Variants in UMAD1 observed in about 807,000 individuals in gnomAD.
The protein encoded by UMAD1 is UBAP1-MVB12-associated (UMA) domain containing 1, also known as UBAP1-MVB12-associated (UMA)-domain containing protein 1.
A neutral mutation model predicts 6.1 loss-of-function variants in UMAD1; 8 were observed. That is an observed-to-expected ratio of 1.30 (90% CI 0.76 to 2.35). UMAD1 has a LOEUF of 2.35. Among genes scored for constraint, UMAD1 ranks in the 30% most tolerant of loss-of-function variants. UMAD1 has a pLI of 0.00. For synonymous variants in UMAD1, 56 were observed against 31.4 expected (o/e 1.78, Z -2.61); for missense variants, 130 against 78.4 (o/e 1.66, Z -2.49).
chr7:7,813,237 A>T (rs1334399510), intron 3 of UMAD1, among the ~76,000 whole-genome samples: 5 of 151,116 alleles, frequency 3.3e-5, no homozygotes, highest in African/African-American at 1.2e-4. Flanking sequence ...TTGTTTTTAG[A>T]TGGAGTCTCG....
chr7:7,766,385 C>G (rs1221226622), intron 2 of UMAD1, among the ~76,000 whole-genome samples: 1 of 152,190 alleles, frequency 6.6e-6, no homozygotes, highest in Non-Finnish European at 1.5e-5. Flanking sequence ...GATATTGCCT[C>G]AGGTTTCAAA....
chr7:7,775,086 G>C (rs973422862), intron 2 of UMAD1, among the ~76,000 whole-genome samples: 1 of 152,058 alleles, frequency 6.6e-6, no homozygotes, highest in Admixed American at 6.6e-5. Flanking sequence ...CATTTTCACT[G>C]CCAAAATTTT....
At chr7:7,711,080 AACACTGGGGATT>A (rs1780751104) in intron 2 of UMAD1, among the ~76,000 whole-genome samples, 1 of 152,204 alleles carries the variant, frequency 6.6e-6, no homozygotes, top group Non-Finnish European at 1.5e-5. Context: ...ATAGAAGGAT[AACACTGGGGATT>A]CTGGTGGTTA....
At chr7:7,812,137 G>A (rs1292971060) in intron 3 of UMAD1, among the ~76,000 whole-genome samples, 1 of 152,164 alleles carries the variant, frequency 6.6e-6, no homozygotes, top group African/African-American at 2.4e-5. Context: ...CTTCTGGCTT[G>A]CATTGGGGTT....
intron 3 of UMAD1, among the ~76,000 whole-genome samples, chr7:7,862,272 A>C (rs1481737940): frequency 6.6e-6 from 1 of 152,054 alleles, no homozygotes; most frequent in Admixed American, 6.5e-5. Flanking sequence ...AAAGTGTTCC[A>C]TTTTCTTTCT....
rs752863307 is a variant in UMAD1, at chr7:7,819,038, C to T, written c.156+17295C>T. Among the ~76,000 whole-genome samples the T allele has an allele frequency of 5.6e-4, 85 of 151,988 alleles. 2 individuals carry two copies. The highest frequency in any genetic ancestry group is 1.9e-3 in the South Asian group (9 of 4,818). On this transcript the variant is annotated intron_variant, in intron 3 of 3. Coordinates refer to ENST00000682710, the MANE Select transcript of UMAD1 (RefSeq NM_001302348.2). ...CTAATTTTTGTATTTTTAGTAGAGA[C>T]GGGTTTTCACCATGTTGGCTAGGCT...
chr7:7,711,523 G>A (rs1780763834), intron 2 of UMAD1, among the ~76,000 whole-genome samples: 1 of 152,084 alleles, frequency 6.6e-6, no homozygotes. Flanking sequence ...ATGTAATACT[G>A]TGAGACTTAA....
At chr7:7,840,211 A>G (rs1236067902) in intron 3 of UMAD1, among the ~76,000 whole-genome samples, 1 of 152,098 alleles carries the variant, frequency 6.6e-6, no homozygotes, top group Non-Finnish European at 1.5e-5. Context: ...TGTTAGTGTC[A>G]GGGTCTAAGA....
At chr7:7,799,554 T>A (rs1782757352) in intron 2 of UMAD1, among the ~76,000 whole-genome samples, 1 of 152,256 alleles carries the variant, frequency 6.6e-6, no homozygotes, top group Non-Finnish European at 1.5e-5. Flanking sequence ...TAGTAATCTT[T>A]TTAAAAGATA....
At chr7:7,797,443 G>A (rs191170619) in intron 2 of UMAD1, among the ~76,000 whole-genome samples, 30 of 152,154 alleles carry the variant, frequency 2.0e-4, no homozygotes, top group Non-Finnish European at 4.3e-4. Context: ...TGGGAACCAA[G>A]TGTCTGCCCC....
intron 3 of UMAD1, among the ~76,000 whole-genome samples, chr7:7,821,629 C>T (rs1426966848): frequency 1.3e-5 from 2 of 152,152 alleles, no homozygotes; most frequent in Non-Finnish European, 2.9e-5. Context: ...ATTCTTTGGT[C>T]TCTTCAAGGG....
intron 2 of UMAD1, among the ~76,000 whole-genome samples, chr7:7,753,954 C>T (rs150499857): frequency 0.018 from 2,792 of 152,164 alleles, 38 homozygotes; most frequent in Non-Finnish European, 0.028. Context: ...GAGGCCGAGA[C>T]GGGTGGATCA....
chr7:7,742,686 T>G (rs1266939377), intron 2 of UMAD1: 6 of 239,944 alleles, frequency 2.5e-5, no homozygotes, highest in Non-Finnish European at 4.2e-5. Flanking sequence ...ATAAAATAAA[T>G]ATGAATAATC....
intron 2 of UMAD1, among the ~76,000 whole-genome samples, chr7:7,732,234 C>T (rs1781273738): frequency 6.6e-6 from 1 of 151,972 alleles, no homozygotes; most frequent in African/African-American, 2.4e-5. Context: ...AGTAGATCCT[C>T]CCATGAAGTT....
intron 3 of UMAD1, among the ~76,000 whole-genome samples, chr7:7,824,800 T>G (rs1783308864): frequency 6.6e-6 from 1 of 152,160 alleles, no homozygotes; most frequent in Non-Finnish European, 1.5e-5. Flanking sequence ...TAGGTAAATT[T>G]CATCCTGTTA....
At chr7:7,747,499 T>C (rs767521424) in intron 2 of UMAD1, among the ~76,000 whole-genome samples, 2 of 152,166 alleles carry the variant, frequency 1.3e-5, no homozygotes, top group African/African-American at 2.4e-5. Context: ...AGAGGATGGC[T>C]CTCTTTCCAT....
At chr7:7,718,005 A>T (rs1305400437) in intron 2 of UMAD1, among the ~76,000 whole-genome samples, 3 of 152,224 alleles carry the variant, frequency 2.0e-5, no homozygotes, top group Non-Finnish European at 2.9e-5. Flanking sequence ...AGTTTAGGGA[A>T]ATCTAGTTTT....
In UMAD1 at chr7:7,669,931, A is replaced by T. The variant is rs748024308; in HGVS notation, c.-63-3378A>T. Among the ~76,000 whole-genome samples, 86 of 152,030 alleles carry T rather than the reference A, an allele frequency of 5.7e-4. 2 individuals are homozygous for T. The highest frequency in any genetic ancestry group is 2.0e-4 in the Admixed American group (3 of 15,264). Reference sequence around the variant, plus strand: ...TGGAGCCTAAATTATCCCTCCTTCTATAATATATTTGGGATATTATAATGT... The same window carrying T: ...TGGAGCCTAAATTATCCCTCCTTCTTTAATATATTTGGGATATTATAATGT... On this transcript the variant is annotated intron_variant, in intron 1 of 3. Transcript: ENST00000682710.
At chr7:7,675,748 T>G (rs1049891916) in intron 2 of UMAD1, among the ~76,000 whole-genome samples, 1 of 152,272 alleles carries the variant, frequency 6.6e-6, no homozygotes, top group East Asian at 1.9e-4. Context: ...TGAACAGTCA[T>G]GGTGAGGAAT....
Sources: allele counts gnomAD v4.1 joint callset (sites outside exome capture counted in the v4.1 genomes callset), GRCh38; gene constraint gnomAD v4.1.1; transcripts MANE v1.5; gene names NCBI Gene and HGNC (gene_info 2026-07-23, HGNC 2026-07-21).